Variants in SPSB4 observed in about 807,000 individuals in gnomAD.
The protein encoded by SPSB4 is splA/ryanodine receptor domain and SOCS box containing 4.
SPSB4 carries 21 observed loss-of-function variants against 20.9 expected under a neutral mutation model. The ratio of observed to expected loss-of-function variants is 1.01; its 90% CI spans 0.71 to 1.45. The LOEUF is 1.45. SPSB4 is among the 40% of genes most tolerant of loss of function. The probability of loss-of-function intolerance (pLI) is 0.00; values close to 1 mark genes in which losing one functional copy is unlikely to be tolerated. For missense variants in SPSB4, 399 were observed against 399.2 expected, an observed-to-expected ratio of 1.00 and a Z score of 0.00; for synonymous variants, 207 against 183.8, an observed-to-expected ratio of 1.13 and a Z score of -1.02.
chr3:141,142,320 A>G (rs764332567), intron 2 of SPSB4, among the ~76,000 whole-genome samples: 1 of 152,184 alleles, frequency 6.6e-6, no homozygotes, highest in Non-Finnish European at 1.5e-5. Flanking sequence ...TCAAGAGCAG[A>G]TTATTTAATT....
chr3:141,122,938 A>G (rs779218249), intron 2 of SPSB4, among the ~76,000 whole-genome samples: 2 of 152,120 alleles, frequency 1.3e-5, no homozygotes, highest in African/African-American at 2.4e-5. Context: ...CTTGCCCTCC[A>G]TGGGCTGCAC....
intron 2 of SPSB4, among the ~76,000 whole-genome samples, chr3:141,125,893 TAA>T (rs1055186935): frequency 6.6e-6 from 1 of 152,216 alleles, no homozygotes; most frequent in Non-Finnish European, 1.5e-5. Flanking sequence ...GCTTCTCTTC[TAA>T]GAGGTGTGAA....
intron 2 of SPSB4, among the ~76,000 whole-genome samples, chr3:141,122,462 A>G (rs1287279424): frequency 1.3e-5 from 2 of 152,174 alleles, no homozygotes; most frequent in East Asian, 3.9e-4. Context: ...GAGCTGTCAG[A>G]CAGGGACGTT....
intron 1 of SPSB4, among the ~76,000 whole-genome samples, chr3:141,063,160 A>G (rs1205022503): frequency 6.6e-6 from 1 of 152,190 alleles, no homozygotes; most frequent in Non-Finnish European, 1.5e-5. Flanking sequence ...TTACTTGCCT[A>G]ATATTAAGAT....
At chr3:141,117,163 T>A (rs1314458854) in intron 2 of SPSB4, 1 of 152,280 alleles carries the variant, frequency 6.6e-6, no homozygotes, top group Non-Finnish European at 1.5e-5. Flanking sequence ...TAGCTGTCAT[T>A]GATTGATTGC....
intron 1 of SPSB4, among the ~76,000 whole-genome samples, chr3:141,053,389 C>T (rs558772887): frequency 1.3e-5 from 2 of 152,238 alleles, no homozygotes; most frequent in East Asian, 3.9e-4. Context: ...TTTGGCAAAT[C>T]ACAAACAAAA....
intron 2 of SPSB4, among the ~76,000 whole-genome samples, chr3:141,095,791 G>A (rs912256307): frequency 6.6e-6 from 1 of 152,210 alleles, no homozygotes; most frequent in African/African-American, 2.4e-5. Context: ...GAGGCCCAGG[G>A]AGGAGATGTG....
chr3:141,136,954 G>C (rs1939239865), intron 2 of SPSB4, among the ~76,000 whole-genome samples: 1 of 152,114 alleles, frequency 6.6e-6, no homozygotes. Flanking sequence ...TCACGATATT[G>C]ATTCTTCCTA....
At chr3:141,131,537 G>T (rs1048315239) in intron 2 of SPSB4, among the ~76,000 whole-genome samples, 10 of 151,294 alleles carry the variant, frequency 6.6e-5, no homozygotes, top group Admixed American at 4.6e-4. Context: ...CTCCCTTAAG[G>T]TCACCTCTGC....
At chr3:141,099,852 C>T (rs766470539) in intron 2 of SPSB4, among the ~76,000 whole-genome samples, 8 of 152,208 alleles carry the variant, frequency 5.3e-5, no homozygotes, top group African/African-American at 2.4e-5. Context: ...AACAGAGCCT[C>T]TGTTTACTTC....
chr3:141,061,717 T>C (rs1937765805), intron 1 of SPSB4, among the ~76,000 whole-genome samples: 1 of 144,986 alleles, frequency 6.9e-6, no homozygotes, highest in Non-Finnish European at 1.5e-5. Context: ...TTTCTTTCTT[T>C]TTCTTTCCTT....
chr3:141,119,844 G>T lies in SPSB4; in HGVS notation c.695-27298G>T, dbSNP rs151221355. 2.9e-3 allele frequency among the ~76,000 whole-genome samples: 443 copies of T among 151,878 alleles called. 4 individuals carry two copies. Among genetic ancestry groups the T allele is most frequent in the Non-Finnish European group, 5.2e-3 (350 of 67,936 alleles). ...TTGCTAGCAGTCTATGTATTTTGTTGATTTTTTCAAAAAACCAGCTCCTGG... is the reference window on the plus strand; with the variant it reads ...TTGCTAGCAGTCTATGTATTTTGTTTATTTTTTCAAAAAACCAGCTCCTGG... On this transcript the variant is annotated intron_variant, in intron 2 of 2. Transcript: ENST00000310546.
At chr3:141,138,823 T>A (rs1357827764) in intron 2 of SPSB4, among the ~76,000 whole-genome samples, 1 of 152,136 alleles carries the variant, frequency 6.6e-6, no homozygotes, top group Non-Finnish European at 1.5e-5. Flanking sequence ...TGATTTGGGG[T>A]GGAGAGTTCT....
At chr3:141,114,574 A>T (rs999097748) in intron 2 of SPSB4, among the ~76,000 whole-genome samples, 2 of 152,176 alleles carry the variant, frequency 1.3e-5, no homozygotes, top group African/African-American at 2.4e-5. Context: ...ATGCATCTAA[A>T]CCACCGTGGC....
At chr3:141,122,040 C>A (rs902889278) in intron 2 of SPSB4, among the ~76,000 whole-genome samples, 11 of 152,272 alleles carry the variant, frequency 7.2e-5, no homozygotes, top group African/African-American at 2.4e-4. Flanking sequence ...GTTTCTCCCC[C>A]TCTTTGTGGT....
At chr3:141,093,706 T>C (rs1404635333) in intron 2 of SPSB4, among the ~76,000 whole-genome samples, 1 of 152,164 alleles carries the variant, frequency 6.6e-6, no homozygotes, top group Non-Finnish European at 1.5e-5. Context: ...CACATGCATA[T>C]TAATCACACA....
intron 2 of SPSB4, among the ~76,000 whole-genome samples, chr3:141,142,013 T>C (rs1291903867): frequency 6.6e-6 from 1 of 152,226 alleles, no homozygotes; most frequent in Non-Finnish European, 1.5e-5. Context: ...GTTTTATTTA[T>C]CTTTTGTATT....
intron 2 of SPSB4, among the ~76,000 whole-genome samples, chr3:141,135,354 T>C (rs916989920): frequency 6.6e-6 from 1 of 151,282 alleles, no homozygotes; most frequent in African/African-American, 2.4e-5. Context: ...ATTATTATTA[T>C]TATTATTATA....
intron 1 of SPSB4, among the ~76,000 whole-genome samples, chr3:141,059,096 GA>G (rs1937712111): frequency 6.6e-6 from 1 of 152,078 alleles, no homozygotes. Flanking sequence ...CCTCAAGGTA[GA>G]AAAAAGCAGA....
Sources: allele counts gnomAD v4.1 joint callset (sites outside exome capture counted in the v4.1 genomes callset), GRCh38; gene constraint gnomAD v4.1.1; transcripts MANE v1.5; gene names NCBI Gene and HGNC (gene_info 2026-07-23, HGNC 2026-07-21).